The following SPHKAP variants were observed in gnomAD, a reference collection of about 807,000 sequenced individuals.
SPHKAP encodes the protein A-kinase anchor protein SPHKAP.
SPHKAP carries 67 observed loss-of-function variants against 137.5 expected under a neutral mutation model. That is an observed-to-expected ratio of 0.49 (90% CI 0.40 to 0.60). SPHKAP has a LOEUF of 0.60. SPHKAP is among the 20% of genes least tolerant of loss of function. The pLI is 0.00. For missense variants in SPHKAP, 2,097 were observed against 2,069.3 expected (o/e 1.01, Z -0.26); for synonymous variants, 813 against 785.3 (o/e 1.04, Z -0.59).
Position 228,006,653 on chromosome 2 carries a change from T to C in SPHKAP, c.4448+9753A>G, listed in dbSNP as rs114868686. 5.4e-3 allele frequency among the ~76,000 whole-genome samples: 817 copies of C among 152,320 alleles called. 6 individuals carry two copies. The highest frequency in any genetic ancestry group is 0.019 in the African/African-American group (777 of 41,562). On this transcript the variant is annotated intron_variant, in intron 7 of 11. Transcript: ENST00000392056. ...ATTTTCAGTTTTTCTGTTCTGTCTT[T>C]TCCCCATCTCTGTGGTTTTATCTAC...
At position 228,118,939 on chromosome 2, in the gene SPHKAP, A is replaced by T. The variant is rs564570007; in HGVS notation, c.139-10000T>A. 2.0e-5 allele frequency among the ~76,000 whole-genome samples: 3 copies of T among 152,326 alleles called. No individual in the cohort carries two copies. The South Asian group carries it at 6.2e-4, about 32-fold the overall frequency. The stretch of plus-strand genomic sequence containing the variant: ...AGGACACGTCATAATCACATAAATT[A>T]TAAATAAGCATATATGTCAGATAAT... On this transcript the variant is annotated intron_variant, in intron 2 of 11. Transcript: ENST00000392056.
At chr2:228,142,426 G>C in intron 1 of SPHKAP, among the ~76,000 whole-genome samples, 1 of 151,588 alleles carries the variant, frequency 6.6e-6, no homozygotes, top group African/African-American at 2.4e-5. Context: ...GAGCCGAGAT[G>C]GCACCAGTGC....
chr2:228,098,681 G>A (rs1371864300), intron 3 of SPHKAP, among the ~76,000 whole-genome samples: 2 of 151,440 alleles, frequency 1.3e-5, no homozygotes, highest in Admixed American at 6.6e-5. Flanking sequence ...GTTAATGGGT[G>A]CAGCACACCA....
chr2:228,170,925 T>C (rs1700565509), intron 1 of SPHKAP, among the ~76,000 whole-genome samples: 1 of 152,080 alleles, frequency 6.6e-6, no homozygotes, highest in Non-Finnish European at 1.5e-5. Flanking sequence ...GAGTTAAGAA[T>C]ACTAGAAATT....
chr2:228,053,332 T>G (rs1696324527), intron 3 of SPHKAP, among the ~76,000 whole-genome samples: 1 of 152,226 alleles, frequency 6.6e-6, no homozygotes, highest in Admixed American at 6.5e-5. Context: ...CCAAATACAG[T>G]CATGCTGAGA....
chr2:228,059,875 G>A (rs951216280), intron 3 of SPHKAP, among the ~76,000 whole-genome samples: 2 of 152,152 alleles, frequency 1.3e-5, no homozygotes, highest in African/African-American at 4.8e-5. Flanking sequence ...GTAGTAATAA[G>A]CTTCACAATT....
chr2:228,016,792 G>A lies in SPHKAP; in HGVS notation c.4062C>T (p.Ser1354=), dbSNP rs1307065669. 3.7e-6 allele frequency: 6 copies of A among 1,614,010 alleles called. No homozygotes were observed. The African/African-American group carries it at 8.0e-5, about 22-fold the overall frequency. The change falls in exon 7 of 12, where the codon AGC becomes AGT. Residue 1354 remains serine, a synonymous_variant. Coordinates refer to ENST00000392056, the MANE Select transcript of SPHKAP (RefSeq NM_001142644.2). ...GCAGAGTTGGCCCACTGCACATCCTGCTCGCAGCTAATCTATTTGCACACT... is the reference window on the plus strand; with the variant it reads ...GCAGAGTTGGCCCACTGCACATCCTACTCGCAGCTAATCTATTTGCACACT... The part of the protein sequence containing the change: ...AEKCANRLAA[S]RMCSGPTLLV...
chr2:228,054,802 G>A (rs11693924), intron 3 of SPHKAP, among the ~76,000 whole-genome samples: 6,878 of 151,970 alleles, frequency 0.045, 244 homozygotes, highest in Non-Finnish European at 0.059. Context: ...GAGTTGGGAC[G>A]GTTAATTAGT....
chr2:228,077,236 C>T (rs1490909357), intron 3 of SPHKAP, among the ~76,000 whole-genome samples: 2 of 152,156 alleles, frequency 1.3e-5, no homozygotes, highest in Non-Finnish European at 2.9e-5. Flanking sequence ...CAGAGCCTCC[C>T]CCACCCCCAC....
chr2:228,113,470 T>A (rs1207735829), intron 2 of SPHKAP, among the ~76,000 whole-genome samples: 1 of 152,146 alleles, frequency 6.6e-6, no homozygotes, highest in Non-Finnish European at 1.5e-5. Context: ...ATCAATACTT[T>A]ATCTAGTTTT....
intron 3 of SPHKAP, among the ~76,000 whole-genome samples, chr2:228,076,428 T>C (rs990337400): frequency 6.6e-6 from 1 of 152,218 alleles, no homozygotes; most frequent in Non-Finnish European, 1.5e-5. Context: ...TAGAGACTTG[T>C]TGAATGACTT....
intron 11 of SPHKAP, among the ~76,000 whole-genome samples, chr2:227,986,079 CCCA>C (rs764892274): frequency 1.3e-5 from 2 of 152,116 alleles, no homozygotes; most frequent in Non-Finnish European, 2.9e-5. Context: ...GTAAAACCTC[CCCA>C]CGTGACTCTA....
chr2:228,120,334 G>A (rs1247270524), intron 2 of SPHKAP, among the ~76,000 whole-genome samples: 1 of 152,258 alleles, frequency 6.6e-6, no homozygotes, highest in Non-Finnish European at 1.5e-5. Flanking sequence ...CCTGGTCTAA[G>A]TTTGCTTCTG....
chr2:228,000,193 C>T (rs184222632), intron 7 of SPHKAP, among the ~76,000 whole-genome samples: 4 of 152,286 alleles, frequency 2.6e-5, no homozygotes, highest in South Asian at 2.1e-4. Flanking sequence ...AGATTGGCAA[C>T]GTTTGGCCAG....
intron 2 of SPHKAP, among the ~76,000 whole-genome samples, chr2:228,118,042 A>G (rs768155997): frequency 6.6e-6 from 1 of 151,944 alleles, no homozygotes; most frequent in African/African-American, 2.4e-5. Flanking sequence ...ATTCTAATTT[A>G]TTGATTTGAT....
intron 7 of SPHKAP, among the ~76,000 whole-genome samples, chr2:228,014,051 C>G (rs915334582): frequency 6.6e-6 from 1 of 152,104 alleles, no homozygotes; most frequent in Non-Finnish European, 1.5e-5. Context: ...TTGGAAAAAG[C>G]ATTGAATTGT....
chr2:228,151,509 C>A (rs1372238421), intron 1 of SPHKAP, among the ~76,000 whole-genome samples: 4 of 152,298 alleles, frequency 2.6e-5, no homozygotes, highest in African/African-American at 7.2e-5. Flanking sequence ...AATCACCGCA[C>A]TGACTTCCAC....
intron 6 of SPHKAP, among the ~76,000 whole-genome samples, chr2:228,020,770 G>T (rs1694813278): frequency 6.6e-6 from 1 of 151,956 alleles, no homozygotes; most frequent in East Asian, 1.9e-4. Flanking sequence ...CCCCCTTCAA[G>T]AATAACAGTT....
intron 3 of SPHKAP, among the ~76,000 whole-genome samples, chr2:228,066,118 A>G (rs1016541240): frequency 2.6e-5 from 4 of 152,204 alleles, no homozygotes; most frequent in Non-Finnish European, 2.9e-5. Flanking sequence ...ACTAAGAGCC[A>G]AGCAAAACCC....
Sources: allele counts gnomAD v4.1 joint callset (sites outside exome capture counted in the v4.1 genomes callset), GRCh38; gene constraint gnomAD v4.1.1; transcripts MANE v1.5; gene names NCBI Gene and HGNC (gene_info 2026-07-23, HGNC 2026-07-21).